WWC2: variants seen among roughly 807,000 people sequenced by gnomAD.
The protein encoded by WWC2 is WW and C2 domain containing 2.
A neutral mutation model predicts 138.5 loss-of-function variants in WWC2; 101 were observed. The observed-to-expected ratio is 0.73, with a 90% CI of 0.62 to 0.86. WWC2 has a LOEUF of 0.86. WWC2 is among the 40% of genes least tolerant of loss of function. The pLI is 0.00. For missense variants in WWC2, 1,420 were observed against 1,419.4 expected, an observed-to-expected ratio of 1.00 and a Z score of -0.01; for synonymous variants, 558 against 538.4, an observed-to-expected ratio of 1.04 and a Z score of -0.50.
intron 4 of WWC2, among the ~76,000 whole-genome samples, chr4:183,226,128 G>T: frequency 7.2e-6 from 1 of 139,850 alleles, no homozygotes; most frequent in African/African-American, 2.7e-5. Context: ...ACAGGGTCTC[G>T]GCTCTGTCAT....
intron 1 of WWC2, among the ~76,000 whole-genome samples, chr4:183,142,878 CCT>C (rs1733343728): frequency 6.6e-6 from 1 of 152,186 alleles, no homozygotes; most frequent in Admixed American, 6.5e-5. Flanking sequence ...TGTTCAACTT[CCT>C]TCCATAAATT....
intron 4 of WWC2, among the ~76,000 whole-genome samples, chr4:183,219,487 A>G (rs1454489695): frequency 1.3e-5 from 2 of 152,214 alleles, no homozygotes; most frequent in Admixed American, 6.5e-5. Context: ...AAAATGTTAG[A>G]GATGATACAT....
chr4:183,229,666 G>C (rs1385677766), intron 4 of WWC2, among the ~76,000 whole-genome samples: 6 of 152,026 alleles, frequency 3.9e-5, no homozygotes, highest in Admixed American at 3.9e-4. Flanking sequence ...AATTATGAGA[G>C]AGTATCAGGC....
rs1449556948 is a variant in WWC2, at chr4:183,319,897, C to T, written c.*4168C>T. ...CTCTTGAGATCTCTCTGACTCTCTC[C>T]AATTCTCAAACAGTCCAGGCCAAAC... On this transcript the variant is annotated 3_prime_UTR_variant, in exon 23 of 23. Transcript: ENST00000403733. 6.2e-7 allele frequency: 1 copy of T among 1,613,910 alleles called. No individual in the cohort carries two copies. The highest frequency in any genetic ancestry group is 1.3e-5 in the African/African-American group (1 of 74,996).
intron 5 of WWC2, among the ~76,000 whole-genome samples, chr4:183,243,403 A>G (rs1736675694): frequency 6.6e-6 from 1 of 152,180 alleles, no homozygotes; most frequent in South Asian, 2.1e-4. Context: ...AAAATGCTAT[A>G]TTTGGAAATA....
chr4:183,199,439 G>T (rs1560839069), intron 2 of WWC2, among the ~76,000 whole-genome samples: 2 of 152,146 alleles, frequency 1.3e-5, no homozygotes, highest in Non-Finnish European at 2.9e-5. Flanking sequence ...CATTAATTGT[G>T]TTCTGCGTAC....
rs192816799 is a variant in WWC2, at chr4:183,312,479, C to G, written c.3512+11C>G. On this transcript the variant is annotated intron_variant, in intron 22 of 22. Coordinates refer to ENST00000403733, the MANE Select transcript of WWC2 (RefSeq NM_024949.6). Reference sequence around the variant, plus strand: ...GGTGCAGTCCTTCAGGTGAATAGCCCCATCCAGGACAGCTTTTGGGTTGCC... The same window carrying G: ...GGTGCAGTCCTTCAGGTGAATAGCCGCATCCAGGACAGCTTTTGGGTTGCC... 4.7e-5 allele frequency: 76 copies of G among 1,612,954 alleles called. No individual in the cohort carries two copies. The highest frequency in any genetic ancestry group is 5.9e-5 in the Non-Finnish European group (70 of 1,179,288).
At chr4:183,247,810 A>G (rs1736849314) in intron 6 of WWC2, among the ~76,000 whole-genome samples, 1 of 140,528 alleles carries the variant, frequency 7.1e-6, no homozygotes, top group African/African-American at 2.6e-5. Flanking sequence ...TATAGTATAT[A>G]TATCCCTTTG....
intron 21 of WWC2, among the ~76,000 whole-genome samples, chr4:183,299,398 A>T: frequency 6.6e-6 from 1 of 152,146 alleles, no homozygotes; most frequent in East Asian, 1.9e-4. Context: ...CACATCAAGC[A>T]ATAGTGAAAA....
chr4:183,268,444 T>G lies in WWC2; in HGVS notation c.2208-527T>G, dbSNP rs78294406. 1.7e-3 allele frequency among the ~76,000 whole-genome samples: 256 copies of G among 152,320 alleles called. 2 individuals carry two copies. Among genetic ancestry groups the G allele is most frequent in the African/African-American group, 5.7e-3 (238 of 41,578 alleles). On this transcript the variant is annotated intron_variant, in intron 14 of 22. Transcript: ENST00000403733. Reference sequence around the variant, plus strand: ...GACAGTGATATTTTTGAACCGTTGTTTCATCTGTTTTAAATTTTCTTAACA... The same window carrying G: ...GACAGTGATATTTTTGAACCGTTGTGTCATCTGTTTTAAATTTTCTTAACA...
chr4:183,248,736 G>A lies in WWC2; in HGVS notation c.755G>A (p.Arg252Gln), dbSNP rs755201324. ...CAGAGTCTTGCTAAGCTGCAGGAGC[G>A]GTTTCATTTGGATCAGAACATTGGC... Reference protein sequence around the residue: ...LMQSLAKLQERFHLDQNIGRS... With the variant: ...LMQSLAKLQEQFHLDQNIGRS... Residue 252 changes from arginine (R) to glutamine (Q), a missense_variant, in exon 7 of 23, where the codon CGG (arginine) becomes CAG (glutamine). By Grantham distance (43) the Arg-to-Gln change is conservative (BLOSUM62 1). Transcript: ENST00000403733. 18 of 1,600,630 alleles carry A rather than the reference G, an allele frequency of 1.1e-5. No homozygotes were observed. The highest frequency in any genetic ancestry group is 2.7e-5 in the African/African-American group (2 of 74,750).
At chr4:183,106,105 TCCC>T (rs1411336962) in intron 1 of WWC2, among the ~76,000 whole-genome samples, 1 of 151,684 alleles carries the variant, frequency 6.6e-6, no homozygotes, top group Non-Finnish European at 1.5e-5. Flanking sequence ...TGCCTCAGCC[TCCC>T]GAGTAGCTGG....
chr4:183,241,932 A>G (rs1167208663), intron 5 of WWC2, among the ~76,000 whole-genome samples: 3 of 152,350 alleles, frequency 2.0e-5, no homozygotes, highest in Admixed American at 6.5e-5. Context: ...TGATGTAACA[A>G]TGCTGTATTG....
chr4:183,264,601 C>G (rs1249278060), intron 11 of WWC2, among the ~76,000 whole-genome samples: 1 of 152,164 alleles, frequency 6.6e-6, no homozygotes, highest in Admixed American at 6.5e-5. Context: ...TAGAAGCTCT[C>G]TCTGTGATAG....
intron 1 of WWC2, among the ~76,000 whole-genome samples, chr4:183,113,518 G>GCA (rs1732313306): frequency 7.0e-6 from 1 of 142,756 alleles, no homozygotes; most frequent in African/African-American, 2.8e-5. Context: ...GTGTGTGTGC[G>GCA]CGCGCGTGCG....
In WWC2 at chr4:183,286,068, T is replaced by C; in HGVS notation, c.3141+9T>C. On this transcript the variant is annotated intron_variant, in intron 20 of 22. Transcript: ENST00000403733. ...GTTTGAGGGTCAAAAGGGTATGTAT[T>C]CCCTCAGCCACGTCCCACTGTCCCT... 1 of 1,562,686 alleles carries C rather than the reference T, an allele frequency of 6.4e-7. No homozygotes were observed. Among genetic ancestry groups the C allele is most frequent in the South Asian group, 1.2e-5 (1 of 85,128 alleles).
At chr4:183,160,938 G>A (rs1247763067) in intron 1 of WWC2, among the ~76,000 whole-genome samples, 1 of 152,200 alleles carries the variant, frequency 6.6e-6, no homozygotes, top group South Asian at 2.1e-4. Context: ...TCGAGAAGTA[G>A]CTTTAAGGAG....
At chr4:183,248,998 A>G (rs986909161) in intron 7 of WWC2, 138 bp downstream of exon 7, 1 of 903,148 alleles carries the variant, frequency 1.1e-6, no homozygotes. Flanking sequence ...TTTTCGTAAG[A>G]TTAGTTTTAA....
At chr4:183,120,123 TTAA>T (rs1446081203) in intron 1 of WWC2, among the ~76,000 whole-genome samples, 2 of 152,198 alleles carry the variant, frequency 1.3e-5, no homozygotes. Flanking sequence ...TATGATTAAG[TTAA>T]TAATTTAGGA....
Sources: gnomAD v4.1 joint callset for allele counts (sites outside exome capture counted in the v4.1 genomes callset) on GRCh38, gnomAD v4.1.1 for gene constraint, MANE v1.5 for transcripts, NCBI Gene and HGNC (gene_info 2026-07-23, HGNC 2026-07-21) for gene names.